CHFR: variants seen among roughly 807,000 people sequenced by gnomAD.
The protein encoded by CHFR is checkpoint with forkhead and ring finger domains.
CHFR carries 57 observed loss-of-function variants against 87.6 expected under a neutral mutation model. The ratio of observed to expected loss-of-function variants is 0.65; its 90% CI spans 0.53 to 0.81. The LOEUF is 0.81. Among genes scored for constraint, CHFR ranks in the 30% least tolerant of loss-of-function variants. The probability of loss-of-function intolerance (pLI) is 0.00; values close to 1 mark genes in which losing one functional copy is unlikely to be tolerated. For missense variants in CHFR, 797 were observed against 865.8 expected (o/e 0.92, Z 1.00); for synonymous variants, 381 against 359.2 (o/e 1.06, Z -0.69).
At chr12:132,847,780 C>G in intron 14 of CHFR, 3 of 1,266,246 alleles carry the variant, frequency 2.4e-6, no homozygotes, top group Non-Finnish European at 3.0e-6. Flanking sequence ...CTTCAAGAAG[C>G]CCTCACCGAG....
intron 15 of CHFR, 114 bp from the exon 16 acceptor site, chr12:132,844,248 C>A (rs896112321): frequency 3.0e-6 from 2 of 663,170 alleles, no homozygotes; most frequent in Non-Finnish European, 2.8e-6. Flanking sequence ...AGACAACGGG[C>A]GACACATTAG....
At position 132,844,066 on chromosome 12, in the gene CHFR, A is replaced by G. The variant is rs1220708351; in HGVS notation, c.1804T>C (p.Tyr602His). ...CGLRSFRELT[Y>H]QYRQNIPASE... ...GCAGGAATGTTCTGCCGATACTGAT[A>G]GGTCAGCTCACGGAAGCTGCGCAGG... Residue 602 changes from tyrosine (Y) to histidine (H), a missense_variant, in exon 16 of 18, where the codon TAT becomes CAT. Coordinates refer to ENST00000450056, the MANE Select transcript of CHFR (RefSeq NM_001161346.2). The G allele has an allele frequency of 6.2e-7, 1 of 1,613,718 alleles. No individual in the cohort carries two copies. The highest frequency in any genetic ancestry group is 8.5e-7 in the Non-Finnish European group (1 of 1,179,754).
intron 6 of CHFR, chr12:132,866,564 C>A (rs59632089): frequency 6.7e-6 from 1 of 149,586 alleles, no homozygotes; most frequent in Non-Finnish European, 1.5e-5. Context: ...GCGATTGTTA[C>A]AACACACCAG....
chr12:132,872,424 T>C (rs200655603), intron 3 of CHFR, 30 bp from the exon 4 acceptor site: 8 of 1,522,010 alleles, frequency 5.3e-6, no homozygotes, highest in African/African-American at 1.4e-5. Flanking sequence ...CAATTTATTC[T>C]ACTTAAAATA....
chr12:132,844,642 A>AT (rs1330289808), intron 15 of CHFR, among the ~76,000 whole-genome samples: 2 of 146,800 alleles, frequency 1.4e-5, no homozygotes, highest in Non-Finnish European at 3.0e-5. Flanking sequence ...TATTTTATTT[A>AT]TTTTTTGAGA....
At position 132,875,268 on chromosome 12, in the gene CHFR, C is replaced by CA. The variant is rs561077202; in HGVS notation, c.233+2286dup. ...CTCACAGAGCCTGATCTTTACCAAA[C>CA]AAAAAAAATCCTGCAGTGAGAACAG... is the stretch of plus-strand genomic sequence containing the variant. On this transcript the variant is annotated intron_variant, in intron 3 of 17. Transcript: ENST00000450056. Among the ~76,000 whole-genome samples, 25 of 152,224 alleles carry CA rather than the reference C, an allele frequency of 1.6e-4. No homozygotes were observed. In the South Asian group the frequency reaches 4.4e-3, roughly 26 times the overall value.
In CHFR at chr12:132,878,884, C is replaced by T. The variant is rs184741050; in HGVS notation, c.134-1230G>A. On this transcript the variant is annotated intron_variant, in intron 2 of 17. Transcript: ENST00000450056. ...TAATTCTTCAGTATCTTAATTTAGT[C>T]CTTAATTTCTTTTCTGTGTAAACTT... Among the ~76,000 whole-genome samples, 52 of 151,152 alleles carry T rather than the reference C, an allele frequency of 3.4e-4. 1 individual carries two copies. The South Asian group carries it at 6.3e-3, about 18-fold the overall frequency.
intron 6 of CHFR, chr12:132,867,778 A>G (rs1278768926): frequency 6.6e-6 from 1 of 152,206 alleles, no homozygotes; most frequent in Non-Finnish European, 1.5e-5. Flanking sequence ...GACGACACGA[A>G]GAAAGCCGTG....
chr12:132,835,644 C>CA lies in CHFR; in HGVS notation c.*5909_*5910insT. The CA allele has an allele frequency of 5.1e-6, 1 of 195,892 alleles. No homozygotes were observed. Among genetic ancestry groups the CA allele is most frequent in the South Asian group, 7.0e-5 (1 of 14,286 alleles). The allele number at this position is 195,892 out of a possible 1,614,324, so 12.1% of individuals were successfully genotyped here. A position where few individuals can be genotyped will look rare whatever the true frequency, so the allele number is the denominator to read the frequency against. On this transcript the variant is annotated 3_prime_UTR_variant, in exon 18 of 18. Coordinates refer to ENST00000450056, the MANE Select transcript of CHFR (RefSeq NM_001161346.2). Reference sequence around the variant, plus strand: ...ACAGACCAAAGAGGAACCGGCCCCGCTGACACCCTGATCTCAGAGTTCCAG... The same window carrying CA: ...ACAGACCAAAGAGGAACCGGCCCCGCATGACACCCTGATCTCAGAGTTCCAG...
chr12:132,885,960 A>G (rs1951882891), intron 2 of CHFR, among the ~76,000 whole-genome samples: 1 of 152,214 alleles, frequency 6.6e-6, no homozygotes, highest in African/African-American at 2.4e-5. Context: ...AATACTTTCA[A>G]AGTTGTAAAA....
At chr12:132,843,506 C>T (rs930967630) in intron 16 of CHFR, among the ~76,000 whole-genome samples, 8 of 152,164 alleles carry the variant, frequency 5.3e-5, no homozygotes, top group African/African-American at 1.9e-4. Flanking sequence ...TATTGGATGT[C>T]TTTACAAATC....
chr12:132,862,443 AAG>A (rs1353355328), intron 6 of CHFR: 8 of 452,838 alleles, frequency 1.8e-5, no homozygotes, highest in Admixed American at 4.8e-5. Context: ...AAATACAAAA[AAG>A]AAAAAAAAAT....
intron 12 of CHFR, 53 bp from the exon 13 acceptor site, chr12:132,848,777 A>G: frequency 1.5e-6 from 2 of 1,342,070 alleles, no homozygotes; most frequent in Non-Finnish European, 2.1e-6. Context: ...GCTGTCTCCA[A>G]CACAATTCGT....
rs544587148 is a variant in CHFR, at chr12:132,882,432, C to T, written c.133+4764G>A. ...CTTGACTGCACTGGTGAGTACATTT[C>T]CCAAAACTCATGGAACTGAACCCCA... On this transcript the variant is annotated intron_variant, in intron 2 of 17. Transcript: ENST00000450056. Among the ~76,000 whole-genome samples, 128 of 152,276 alleles carry T rather than the reference C, an allele frequency of 8.4e-4. 2 individuals are homozygous for T. Among genetic ancestry groups the T allele is most frequent in the African/African-American group, 2.6e-3 (107 of 41,558 alleles).
At chr12:132,843,166 GAC>G in intron 16 of CHFR, 83 bp from the exon 17 acceptor site, 1 of 1,244,096 alleles carries the variant, frequency 8.0e-7, no homozygotes, top group African/African-American at 1.5e-5. Flanking sequence ...GAGACCCAAC[GAC>G]AGACGCTGCG....
chr12:132,846,388 G>A (rs1415870207), intron 15 of CHFR, among the ~76,000 whole-genome samples: 19 of 150,908 alleles, frequency 1.3e-4, no homozygotes, highest in African/African-American at 1.9e-4. Context: ...TCAGCCTCCC[G>A]AGTAGCTGGG....
In CHFR at chr12:132,837,861, CG is replaced by C. The variant is rs1950660337; in HGVS notation, c.*3692del. On this transcript the variant is annotated 3_prime_UTR_variant, in exon 18 of 18. Transcript: ENST00000450056. ...CCCACGTGGAGGCAGAGGGCGGGCA[CG>C]GCCGCGGGGACAGCGTTCTGGTTTC... The C allele has an allele frequency of 6.6e-6, 1 of 152,410 alleles. No individual in the cohort carries two copies. Among genetic ancestry groups the C allele is most frequent in the Non-Finnish European group, 1.5e-5 (1 of 68,146 alleles). The allele number at this position is 152,410 out of a possible 1,614,324, so 9.4% of individuals were successfully genotyped here.
At chr12:132,844,835 G>C (rs1259044148) in intron 15 of CHFR, among the ~76,000 whole-genome samples, 1 of 151,382 alleles carries the variant, frequency 6.6e-6, no homozygotes, top group Non-Finnish European at 1.5e-5. Flanking sequence ...GTTTCACCAT[G>C]TTGGCCAGGC....
intron 6 of CHFR, 98 bp downstream of exon 6, chr12:132,869,521 G>T: frequency 9.0e-7 from 1 of 1,112,884 alleles, no homozygotes; most frequent in Non-Finnish European, 1.3e-6. Flanking sequence ...CCTCATGCCA[G>T]TCCTCAGTCG....
Sources: gnomAD v4.1 joint callset for allele counts (sites outside exome capture counted in the v4.1 genomes callset) on GRCh38, gnomAD v4.1.1 for gene constraint, MANE v1.5 for transcripts, NCBI Gene and HGNC (gene_info 2026-07-23, HGNC 2026-07-21) for gene names.